ZNF646: variants seen among roughly 807,000 people sequenced by gnomAD.
The protein encoded by ZNF646 is zinc finger protein 646.
In ZNF646, 49 loss-of-function variants were observed where a neutral mutation model predicts 115.4. The observed-to-expected ratio is 0.42, with a 90% CI of 0.34 to 0.54. ZNF646 has a LOEUF of 0.54. Ranked by LOEUF, ZNF646 falls within the 20% of genes least tolerant of loss-of-function variation. The pLI is 0.04. For synonymous variants in ZNF646, 933 were observed against 939.0 expected, an observed-to-expected ratio of 0.99 and a Z score of 0.12; for missense variants, 2,269 against 2,457.9, an observed-to-expected ratio of 0.92 and a Z score of 1.62.
At position 31,078,587 on chromosome 16, in the gene ZNF646, G is replaced by C; in HGVS notation, c.2263G>C (p.Gly755Arg). ...CCATTTCCAGGGTGATAAAGAGAGC[G>C]GAGGCACTGGGGAAGGACTGGAAAG... ...ETHFQGDKES[G>R]GTGEGLERKD... is the part of the protein sequence containing the mutation. Residue 755 changes from glycine (G) to arginine (R), a missense_variant, in exon 2 of 3, where the codon GGA becomes CGA. Physicochemically the swap from Gly to Arg is moderately radical, Grantham distance 125. Coordinates refer to ENST00000300850, the MANE Select transcript of ZNF646 (RefSeq NM_014699.4). 5 of 1,612,876 alleles carry C rather than the reference G, an allele frequency of 3.1e-6. No homozygotes were observed. Among genetic ancestry groups the C allele is most frequent in the Non-Finnish European group, 2.5e-6 (3 of 1,179,152 alleles).
At position 31,080,900 on chromosome 16, in the gene ZNF646, C is replaced by T; in HGVS notation, c.4576C>T (p.Gln1526Ter). 6.2e-7 allele frequency: 1 copy of T among 1,614,094 alleles called. No homozygotes were observed. The highest frequency in any genetic ancestry group is 8.5e-7 in the Non-Finnish European group (1 of 1,180,024). Residue 1526 changes from glutamine to a stop codon, truncating the protein, a stop_gained, in exon 2 of 3, where the codon CAG (glutamine) becomes TAG (stop). Coordinates refer to ENST00000300850, the MANE Select transcript of ZNF646 (RefSeq NM_014699.4). LOFTEE classifies it high-confidence loss of function. ...CAACAGAGACAACAGCTCTCAGCTG[C>T]AGCCAGGGAGCCACTCCTCTTGCAG... is the stretch of plus-strand genomic sequence containing the variant. ...WDNRDNSSQL[Q>*]PGSHSSCSQC...
At position 31,080,827 on chromosome 16, in the gene ZNF646, T is replaced by C. The variant is rs952824029; in HGVS notation, c.4503T>C (p.Gly1501=). The change falls in exon 2 of 3, where the codon GGT becomes GGC. Residue 1501 remains glycine, a synonymous_variant. Transcript: ENST00000300850. ...DSVHRSPCHA[G]DCQLNGPTLS... is the part of the protein sequence containing the mutation. ...TCCACAGGAGTCCTTGCCACGCTGG[T>C]GACTGCCAGCTCAATGGACCTACTC... 9.9e-6 allele frequency: 16 copies of C among 1,613,956 alleles called. No individual in the cohort carries two copies. Among genetic ancestry groups the C allele is most frequent in the Non-Finnish European group, 1.3e-5 (15 of 1,180,022 alleles).
chr16:31,080,691 C>T lies in ZNF646; in HGVS notation c.4367C>T (p.Ser1456Phe). The change falls in exon 2 of 3, where the codon TCC (serine) becomes TTC (phenylalanine). Residue 1456 changes from serine to phenylalanine, a missense_variant. By Grantham distance (155) the Ser-to-Phe change is radical. Coordinates refer to ENST00000300850, the MANE Select transcript of ZNF646 (RefSeq NM_014699.4). Reference sequence around the variant, plus strand: ...AGCTCAGAAGCCCCAGAGCCACTGTCCTGGGGTGCAGGGAAGGCAGGTGGG... The same window carrying T: ...AGCTCAGAAGCCCCAGAGCCACTGTTCTGGGGTGCAGGGAAGGCAGGTGGG... ...AASSEAPEPL[S>F]WGAGKAGGWP... 1.2e-6 allele frequency: 2 copies of T among 1,613,922 alleles called. No homozygotes were observed. The highest frequency in any genetic ancestry group is 8.5e-7 in the Non-Finnish European group (1 of 1,179,992).
At chr16:31,082,743 A>G in intron 2 of ZNF646, 1 of 566,102 alleles carries the variant, frequency 1.8e-6, no homozygotes, top group Non-Finnish European at 3.1e-6. Flanking sequence ...GAGTCACCTG[A>G]AAGCTGAAGG....
In ZNF646 at chr16:31,077,761, C is replaced by G; in HGVS notation, c.1437C>G (p.Ser479Arg). Residue 479 changes from serine to arginine, a missense_variant, in exon 2 of 3, where the codon AGC becomes AGG. Physicochemically the swap from Ser to Arg is moderately radical, Grantham distance 110. Coordinates refer to ENST00000300850, the MANE Select transcript of ZNF646 (RefSeq NM_014699.4). ...ECGRAYRHRGSLVNHRHSHRT... is the reference protein window; with the variant it reads ...ECGRAYRHRGRLVNHRHSHRT... ...GTCGTGCTTACCGCCACCGGGGGAGCCTGGTGAACCATCGCCACAGCCATC... is the reference window on the plus strand; with the variant it reads ...GTCGTGCTTACCGCCACCGGGGGAGGCTGGTGAACCATCGCCACAGCCATC... 6.2e-7 allele frequency: 1 copy of G among 1,614,004 alleles called. No homozygotes were observed. Among genetic ancestry groups the G allele is most frequent in the Non-Finnish European group, 8.5e-7 (1 of 1,180,020 alleles).
rs761424076 is a variant in ZNF646, at chr16:31,079,166, G to T, written c.2842G>T (p.Val948Leu). ...GCTGCTGAATCAGCTGCAGCGGGAG[G>T]TGGAAGCGCTGGACAGTGCAGGGTA... is the stretch of plus-strand genomic sequence containing the variant. ...AELLNQLQRE[V>L]EALDSAGYGH... Residue 948 changes from valine to leucine, a missense_variant, in exon 2 of 3, where the codon GTG becomes TTG. By Grantham distance (32) the Val-to-Leu change is conservative. Around this residue, in one of 5 missense-constraint regions of ZNF646, gnomAD observed 852 missense variants for 900.2 expected, o/e 0.95. Transcript: ENST00000300850. This position sits in a 1 kb window ranked among gnomAD's most constrained non-coding sequence, Gnocchi z 5.5. 9 of 1,610,876 alleles carry T rather than the reference G, an allele frequency of 5.6e-6. No individual in the cohort carries two copies. The South Asian group carries it at 6.6e-5, about 12-fold the overall frequency.
rs1300712522 is a variant in ZNF646 at position 31,080,284 on chromosome 16, C to A, written c.3960C>A (p.Ser1320Arg). ...GCAGCCTCCTGAACCACCGGCGCAG[C>A]CACGAGACGGGCCAGTACAGCTGCC... Reference protein sequence around the residue: ...HAGSLLNHRRSHETGQYSCPT... With the variant: ...HAGSLLNHRRRHETGQYSCPT... The change falls in exon 2 of 3, where the codon AGC becomes AGA. Residue 1320 changes from serine to arginine, a missense_variant. Physicochemically the swap from Ser to Arg is moderately radical, Grantham distance 110. Coordinates refer to ENST00000300850, the MANE Select transcript of ZNF646 (RefSeq NM_014699.4). 1 of 1,612,892 alleles carries A rather than the reference C, an allele frequency of 6.2e-7. No individual in the cohort carries two copies. The highest frequency in any genetic ancestry group is 1.1e-5 in the South Asian group (1 of 91,084).
Position 31,078,585 on chromosome 16 carries a change from G to C in ZNF646, c.2261G>C (p.Ser754Thr), listed in dbSNP as rs1018963913. The part of the protein sequence containing the change: ...DETHFQGDKE[S>T]GGTGEGLERK... ...ACCCATTTCCAGGGTGATAAAGAGA[G>C]CGGAGGCACTGGGGAAGGACTGGAA... is the stretch of plus-strand genomic sequence containing the variant. The change falls in exon 2 of 3, where the codon AGC (serine) becomes ACC (threonine). Residue 754 changes from serine (S) to threonine (T), a missense_variant. Around this residue, in one of 5 missense-constraint regions of ZNF646, gnomAD observed 852 missense variants for 900.2 expected, o/e 0.95. Coordinates refer to ENST00000300850, the MANE Select transcript of ZNF646 (RefSeq NM_014699.4). 3 of 1,612,444 alleles carry C rather than the reference G, an allele frequency of 1.9e-6. No individual in the cohort carries two copies. The highest frequency in any genetic ancestry group is 2.5e-6 in the Non-Finnish European group (3 of 1,178,950).
rs1473713311 is a variant in ZNF646 at position 31,078,561 on chromosome 16, C to T, written c.2237C>T (p.Thr746Ile). 6.2e-7 allele frequency: 1 copy of T among 1,604,722 alleles called. No homozygotes were observed. Among genetic ancestry groups the T allele is most frequent in the South Asian group, 1.1e-5 (1 of 90,228 alleles). The change falls in exon 2 of 3, where the codon ACC becomes ATC. Residue 746 changes from threonine (T) to isoleucine (I), a missense_variant. Physicochemically the swap from Thr to Ile is moderately conservative, Grantham distance 89. Transcript: ENST00000300850. The part of the protein sequence containing the change: ...GDKCGLERDE[T>I]HFQGDKESGG... The stretch of plus-strand genomic sequence containing the variant: ...AAATGTGGGCTTGAGAGGGATGAGA[C>T]CCATTTCCAGGGTGATAAAGAGAGC...
chr16:31,076,760 G>A lies in ZNF646; in HGVS notation c.436G>A (p.Glu146Lys), dbSNP rs1266968566. ...GGAAAACCAGACAAAACATACAGAA[G>A]AGACACCTGACTGTGAATCTGTACC... ...GWENQTKHTE[E>K]TPDCESVPDP... The change falls in exon 2 of 3, where the codon GAG (glutamate) becomes AAG (lysine). Residue 146 changes from glutamate (E) to lysine (K), a missense_variant. Coordinates refer to ENST00000300850, the MANE Select transcript of ZNF646 (RefSeq NM_014699.4). The A allele has an allele frequency of 4.3e-6, 7 of 1,613,858 alleles. No individual in the cohort carries two copies. Among genetic ancestry groups the A allele is most frequent in the Middle Eastern group, 1.6e-4 (1 of 6,062 alleles).
chr16:31,076,017 C>G (rs968121900), intron 1 of ZNF646: 1 of 325,176 alleles, frequency 3.1e-6, no homozygotes. Flanking sequence ...ATTTCCTTAG[C>G]TATACCTGTA....
Position 31,079,355 on chromosome 16 carries a change from A to G in ZNF646, c.3031A>G (p.Ile1011Val), listed in dbSNP as rs372219250. The G allele has an allele frequency of 1.3e-5, 21 of 1,613,890 alleles. No homozygotes were observed. The highest frequency in any genetic ancestry group is 1.4e-5 in the Non-Finnish European group (17 of 1,179,986). Reference protein sequence around the residue: ...EMVVDSVLEDIVNSVSGEGGD... With the variant: ...EMVVDSVLEDVVNSVSGEGGD... ...GGTCGTGGACAGTGTCTTGGAGGAC[A>G]TAGTGAATTCTGTCTCTGGAGAGGG... The change falls in exon 2 of 3, where the codon ATA (isoleucine) becomes GTA (valine). Residue 1011 changes from isoleucine to valine, a missense_variant. By Grantham distance (29) the Ile-to-Val change is conservative. Around this residue, in one of 5 missense-constraint regions of ZNF646, gnomAD observed 1,062 missense variants for 1,172.8 expected, o/e 0.91. Coordinates refer to ENST00000300850, the MANE Select transcript of ZNF646 (RefSeq NM_014699.4). The surrounding 1 kb of genome is among the most constrained non-coding windows in gnomAD (Gnocchi z 5.5).
In ZNF646 at chr16:31,081,150, G is replaced by A. The variant is rs201724430; in HGVS notation, c.4826G>A (p.Arg1609Gln). ...ELASHLQAHA[R>Q]GHSQVPAQME... ...GCCAGCCACCTGCAGGCTCATGCCC[G>A]GGGCCACAGCCAGGTGCCAGCCCAG... The change falls in exon 2 of 3, where the codon CGG becomes CAG. Residue 1609 changes from arginine (R) to glutamine (Q), a missense_variant. By Grantham distance (43) the Arg-to-Gln change is conservative (BLOSUM62 1). This residue lies in a region of ZNF646 where 1,062 missense variants were observed against 1,172.8 expected (regional missense o/e 0.91). Transcript: ENST00000300850. The A allele has an allele frequency of 1.6e-5, 26 of 1,601,406 alleles. No homozygotes were observed. The East Asian group carries it at 5.1e-4, about 32-fold the overall frequency.
Position 31,080,397 on chromosome 16 carries a change from G to T in ZNF646, c.4073G>T (p.Arg1358Leu). ...GAGAATCGGCGGCGACGGGCTGGAC[G>T]GTCCAGGCGCACAGCTGTGCGTTGC... is the stretch of plus-strand genomic sequence containing the variant. ...HSENRRRRAG[R>L]SRRTAVRCAL... Residue 1358 changes from arginine to leucine, a missense_variant, in exon 2 of 3, where the codon CGG becomes CTG. Arg to Leu is a moderately radical substitution (Grantham distance 102). Transcript: ENST00000300850. 1 of 1,613,102 alleles carries T rather than the reference G, an allele frequency of 6.2e-7. No individual in the cohort carries two copies. Among genetic ancestry groups the T allele is most frequent in the Non-Finnish European group, 8.5e-7 (1 of 1,179,834 alleles).
rs755340627 is a variant in ZNF646 at position 31,081,398 on chromosome 16, C to T, written c.5074C>T (p.Leu1692=). Reference sequence around the variant, plus strand: ...GCGCTCCTACCGCCATGCTGGCAGCCTGCTGAACCACCAGAAGGCCCACAC... The same window carrying T: ...GCGCTCCTACCGCCATGCTGGCAGCTTGCTGAACCACCAGAAGGCCCACAC... ...CGRSYRHAGS[L]LNHQKAHTTG... is the part of the protein sequence containing the mutation. Residue 1692 remains leucine (L), a synonymous_variant, in exon 2 of 3, where the codon CTG becomes TTG. Coordinates refer to ENST00000300850, the MANE Select transcript of ZNF646 (RefSeq NM_014699.4). 6.2e-7 allele frequency: 1 copy of T among 1,611,684 alleles called. No homozygotes were observed. Among genetic ancestry groups the T allele is most frequent in the South Asian group, 1.1e-5 (1 of 91,042 alleles).
At position 31,080,639 on chromosome 16, in the gene ZNF646, C is replaced by T. The variant is rs193168750; in HGVS notation, c.4315C>T (p.Arg1439Cys). 4.3e-5 allele frequency: 70 copies of T among 1,614,052 alleles called. No individual in the cohort carries two copies. The East Asian group carries it at 1.2e-3, about 29-fold the overall frequency. ...LEDGVPRPGE[R>C]SQSPIRAASS... is the part of the protein sequence containing the mutation. ...GGATGGAGTCCCAAGGCCAGGGGAG[C>T]GCAGTCAGAGCCCCATCAGGGCAGC... Residue 1439 changes from arginine to cysteine, a missense_variant, in exon 2 of 3, where the codon CGC becomes TGC. Arg to Cys is a radical substitution (Grantham distance 180). Coordinates refer to ENST00000300850, the MANE Select transcript of ZNF646 (RefSeq NM_014699.4).
Position 31,078,059 on chromosome 16 carries a change from A to G in ZNF646, c.1735A>G (p.Ile579Val), listed in dbSNP as rs1233776788. ...CAAGACAGCAGCACATATCTGTAGCATCTGTGGGCTGCTCTTTGAAGACGC... is the reference window on the plus strand; with the variant it reads ...CAAGACAGCAGCACATATCTGTAGCGTCTGTGGGCTGCTCTTTGAAGACGC... Reference protein sequence around the residue: ...ADKTAAHICSICGLLFEDAES... With the variant: ...ADKTAAHICSVCGLLFEDAES... Residue 579 changes from isoleucine (I) to valine (V), a missense_variant, in exon 2 of 3, where the codon ATC (isoleucine) becomes GTC (valine). Coordinates refer to ENST00000300850, the MANE Select transcript of ZNF646 (RefSeq NM_014699.4). 6.2e-7 allele frequency: 1 copy of G among 1,614,214 alleles called. No homozygotes were observed. The highest frequency in any genetic ancestry group is 8.5e-7 in the Non-Finnish European group (1 of 1,180,044).
Position 31,077,192 on chromosome 16 carries a change from C to T in ZNF646, c.868C>T (p.Gln290Ter). The change falls in exon 2 of 3, where the codon CAG (glutamine) becomes TAG (stop). Residue 290 changes from glutamine (Q) to a stop codon, truncating the protein, a stop_gained. Transcript: ENST00000300850. LOFTEE classifies it high-confidence loss of function. Reference protein sequence around the residue: ...ALKNHSRLHAQYRPYHCPHCP... With the variant: ...ALKNHSRLHA ...GAAGAACCACTCTCGACTGCATGCC[C>T]AGTATCGGCCTTACCACTGTCCCCA... 1 of 1,614,176 alleles carries T rather than the reference C, an allele frequency of 6.2e-7. No individual in the cohort carries two copies. The highest frequency in any genetic ancestry group is 8.5e-7 in the Non-Finnish European group (1 of 1,180,004).
Position 31,079,081 on chromosome 16 carries a change from G to A in ZNF646, c.2757G>A (p.Glu919=), listed in dbSNP as rs1036550067. 2.5e-6 allele frequency: 4 copies of A among 1,575,844 alleles called. No homozygotes were observed. Among genetic ancestry groups the A allele is most frequent in the African/African-American group, 2.7e-5 (2 of 74,322 alleles). Residue 919 remains glutamate, a synonymous_variant, in exon 2 of 3, where the codon GAG becomes GAA. Transcript: ENST00000300850. The surrounding 1 kb of genome is among the most constrained non-coding windows in gnomAD (Gnocchi z 5.5). Reference sequence around the variant, plus strand: ...AGGGCTCAGAGGAGGAGGGGGAAGAGGAAGGAGTGGCAGAGGCAGCCCCTG... The same window carrying A: ...AGGGCTCAGAGGAGGAGGGGGAAGAAGAAGGAGTGGCAGAGGCAGCCCCTG... ...MTEGSEEEGE[E]EGVAEAAPAR...
Sources: allele counts gnomAD v4.1 joint callset, GRCh38; gene constraint gnomAD v4.1.1; regional missense constraint gnomAD v4.1.1; non-coding constraint Gnocchi (gnomAD v3.1); transcripts MANE v1.5; gene names NCBI Gene and HGNC (gene_info 2026-07-23, HGNC 2026-07-21).